Variants in SNTG1 observed in about 807,000 individuals in gnomAD.
SNTG1 encodes gamma-1-syntrophin.
In SNTG1, 39 loss-of-function variants were observed where a neutral mutation model predicts 74.7. The observed-to-expected ratio is 0.52, with a 90% confidence interval of 0.40 to 0.68. SNTG1 has a LOEUF of 0.68. Ranked by LOEUF, SNTG1 falls within the 30% of genes least tolerant of loss-of-function variation. The probability of loss-of-function intolerance (pLI) is 0.00; values close to 1 mark genes in which losing one functional copy is unlikely to be tolerated. For missense variants in SNTG1, 685 were observed against 609.5 expected, an observed-to-expected ratio of 1.12 and a Z score of -1.30; for synonymous variants, 254 against 217.1, an observed-to-expected ratio of 1.17 and a Z score of -1.49.
At chr8:50,146,675 G>A (rs1027324220) in intron 1 of SNTG1, among the ~76,000 whole-genome samples, 3 of 152,106 alleles carry the variant, frequency 2.0e-5, no homozygotes, top group Non-Finnish European at 4.4e-5. Flanking sequence ...AATGTGTGAG[G>A]ATTCCTGTGC....
chr8:50,221,376 G>C (rs1320284083), intron 2 of SNTG1, among the ~76,000 whole-genome samples: 3 of 151,906 alleles, frequency 2.0e-5, no homozygotes, highest in Admixed American at 2.0e-4. Context: ...AGGCACAAGG[G>C]AGGGTTCAAC....
chr8:50,713,486 T>C (rs1228352431), intron 17 of SNTG1, among the ~76,000 whole-genome samples: 1 of 152,194 alleles, frequency 6.6e-6, no homozygotes, highest in East Asian at 1.9e-4. Context: ...TCTTTTGCTG[T>C]GCAGAAGCTC....
intron 1 of SNTG1, among the ~76,000 whole-genome samples, chr8:50,027,240 A>G (rs1291776383): frequency 6.6e-6 from 1 of 152,080 alleles, no homozygotes; most frequent in Non-Finnish European, 1.5e-5. Flanking sequence ...CTTGCTCTCT[A>G]TGCCTCACTG....
chr8:50,288,962 T>C (rs1305261255), intron 2 of SNTG1, among the ~76,000 whole-genome samples: 2 of 152,176 alleles, frequency 1.3e-5, no homozygotes, highest in African/African-American at 4.8e-5. Flanking sequence ...AAATATTAAT[T>C]CCAAAAATAT....
intron 13 of SNTG1, among the ~76,000 whole-genome samples, chr8:50,652,473 T>C (rs1322136713): frequency 1.5e-4 from 23 of 152,130 alleles, no homozygotes; most frequent in Admixed American, 1.5e-3. Context: ...TTGTTGTAGT[T>C]CCATCCGTTT....
At chr8:50,101,514 T>A (rs1211092151) in intron 1 of SNTG1, among the ~76,000 whole-genome samples, 1 of 152,098 alleles carries the variant, frequency 6.6e-6, no homozygotes, top group African/African-American at 2.4e-5. Flanking sequence ...TTGATATGCA[T>A]TTCCTAATGA....
intron 4 of SNTG1, among the ~76,000 whole-genome samples, chr8:50,412,436 A>G (rs2092961317): frequency 6.6e-6 from 1 of 152,132 alleles, no homozygotes; most frequent in Non-Finnish European, 1.5e-5. Context: ...TCTTATTATT[A>G]TGTTTTTCAC....
chr8:50,062,339 G>C (rs909602474), intron 1 of SNTG1, among the ~76,000 whole-genome samples: 1 of 152,052 alleles, frequency 6.6e-6, no homozygotes, highest in East Asian at 1.9e-4. Context: ...GAGCCATGGC[G>C]CCAGACCAGA....
chr8:50,138,421 C>CA (rs1404815612), intron 1 of SNTG1, among the ~76,000 whole-genome samples: 2 of 151,714 alleles, frequency 1.3e-5, no homozygotes, highest in African/African-American at 2.4e-5. Context: ...AGTTCAATAC[C>CA]AGCCTGGCCA....
chr8:50,411,022 C>T (rs904355410), intron 4 of SNTG1, among the ~76,000 whole-genome samples: 2 of 152,132 alleles, frequency 1.3e-5, no homozygotes, highest in Non-Finnish European at 1.5e-5. Context: ...GATAAAGAAG[C>T]TATCAGTTTA....
At chr8:50,290,586 G>C (rs778506452) in intron 2 of SNTG1, among the ~76,000 whole-genome samples, 1 of 152,040 alleles carries the variant, frequency 6.6e-6, no homozygotes, top group Admixed American at 6.6e-5. Context: ...TAATATCCTT[G>C]ATTCCTAAAT....
At chr8:50,654,234 G>A (rs2095166730) in intron 13 of SNTG1, among the ~76,000 whole-genome samples, 1 of 152,030 alleles carries the variant, frequency 6.6e-6, no homozygotes. Context: ...ATTTCTCAGT[G>A]TAACACCTTT....
At chr8:50,775,121 T>C (rs1336484789) in intron 18 of SNTG1, among the ~76,000 whole-genome samples, 1 of 151,508 alleles carries the variant, frequency 6.6e-6, no homozygotes, top group Non-Finnish European at 1.5e-5. Flanking sequence ...AATTTTACCT[T>C]ATGTATAATT....
At chr8:50,783,318 G>C (rs2095665523) in intron 18 of SNTG1, among the ~76,000 whole-genome samples, 1 of 152,222 alleles carries the variant, frequency 6.6e-6, no homozygotes, top group Non-Finnish European at 1.5e-5. Flanking sequence ...TATAGAGGCA[G>C]GCAGGCCTCC....
At chr8:50,104,120 A>T (rs2080266294) in intron 1 of SNTG1, among the ~76,000 whole-genome samples, 1 of 152,178 alleles carries the variant, frequency 6.6e-6, no homozygotes, top group Admixed American at 6.5e-5. Context: ...TGATTGGAAT[A>T]GTTTCAGAAG....
Position 50,026,318 on chromosome 8 carries a change from T to C in SNTG1, c.-103+114087T>C, listed in dbSNP as rs575594454. Among the ~76,000 whole-genome samples, 5 of 152,246 alleles carry C rather than the reference T, an allele frequency of 3.3e-5. No individual in the cohort carries two copies. In the East Asian group the frequency reaches 9.7e-4, roughly 29 times the overall value. On this transcript the variant is annotated intron_variant, in intron 1 of 18. Coordinates refer to ENST00000642720, the MANE Select transcript of SNTG1 (RefSeq NM_018967.5). The stretch of plus-strand genomic sequence containing the variant: ...AGTTCAGGGTTCTTGTTCTGAAAAA[T>C]CTTTGCTTTTTGAATTCTATGTTGT...
intron 1 of SNTG1, among the ~76,000 whole-genome samples, chr8:50,100,549 T>C (rs972360681): frequency 2.0e-5 from 3 of 152,102 alleles, no homozygotes; most frequent in African/African-American, 7.2e-5. Flanking sequence ...GTACAGTTTA[T>C]TACCTGTCAA....
chr8:50,074,599 T>A (rs1821660979), intron 1 of SNTG1, among the ~76,000 whole-genome samples: 2 of 152,180 alleles, frequency 1.3e-5, no homozygotes, highest in Non-Finnish European at 2.9e-5. Flanking sequence ...CCAAAATAAT[T>A]ATTATAGTAA....
At chr8:50,376,766 G>T (rs1197753625) in intron 2 of SNTG1, among the ~76,000 whole-genome samples, 61 of 142,204 alleles carry the variant, frequency 4.3e-4, no homozygotes, top group Non-Finnish European at 6.5e-4. Flanking sequence ...TAGAGAGAGA[G>T]AGAGAGAGAG....
Sources: gnomAD v4.1 joint callset for allele counts (sites outside exome capture counted in the v4.1 genomes callset) on GRCh38, gnomAD v4.1.1 for gene constraint, MANE v1.5 for transcripts, NCBI Gene and HGNC (gene_info 2026-07-23, HGNC 2026-07-21) for gene names.